Variants in HS6ST3 observed in about 807,000 individuals in gnomAD.
HS6ST3 encodes the protein heparan sulfate 6-O-sulfotransferase 3.
In HS6ST3, 12 loss-of-function variants were observed where a neutral mutation model predicts 36.7. That is an observed-to-expected ratio of 0.33 (90% CI 0.21 to 0.53). HS6ST3 has a LOEUF of 0.53. Among genes scored for constraint, HS6ST3 ranks in the 20% least tolerant of loss-of-function variants. The pLI, the probability that HS6ST3 is intolerant of heterozygous loss-of-function variation, is 0.95. For missense variants in HS6ST3, 584 were observed against 640.9 expected (o/e 0.91, Z 0.96); for synonymous variants, 240 against 257.5 (o/e 0.93, Z 0.65).
intron 1 of HS6ST3, among the ~76,000 whole-genome samples, chr13:96,690,960 C>T (rs571721215): frequency 1.3e-5 from 2 of 152,174 alleles, no homozygotes; most frequent in South Asian, 2.1e-4. Flanking sequence ...TAGCACAGTC[C>T]TTGGCACCCA....
chr13:96,428,333 G>A (rs974192733), intron 1 of HS6ST3, among the ~76,000 whole-genome samples: 8 of 152,180 alleles, frequency 5.3e-5, no homozygotes, highest in African/African-American at 1.9e-4. Flanking sequence ...GCGACAGAGC[G>A]AGACTCCGTC....
At chr13:96,275,370 C>T (rs982744698) in intron 1 of HS6ST3, among the ~76,000 whole-genome samples, 11 of 152,136 alleles carry the variant, frequency 7.2e-5, no homozygotes, top group Non-Finnish European at 5.9e-5. Context: ...ACTCTTTGAG[C>T]TTTGGGTGTT....
chr13:96,095,684 A>G (rs922837185), intron 1 of HS6ST3, among the ~76,000 whole-genome samples: 17 of 152,190 alleles, frequency 1.1e-4, no homozygotes, highest in Non-Finnish European at 1.8e-4. Context: ...CTTCATATCT[A>G]ATAGCTCCAC....
chr13:96,483,900 T>G (rs1481551588), intron 1 of HS6ST3, among the ~76,000 whole-genome samples: 2 of 152,196 alleles, frequency 1.3e-5, no homozygotes, highest in Non-Finnish European at 2.9e-5. Context: ...AGGTCTGTAT[T>G]CCATTTTGAG....
chr13:96,509,693 A>C (rs1267498879), intron 1 of HS6ST3, among the ~76,000 whole-genome samples: 1 of 152,084 alleles, frequency 6.6e-6, no homozygotes, highest in African/African-American at 2.4e-5. Flanking sequence ...ATTCTGTTTC[A>C]TTGGTGTATG....
At chr13:96,426,376 T>G (rs1177066731) in intron 1 of HS6ST3, among the ~76,000 whole-genome samples, 1 of 152,234 alleles carries the variant, frequency 6.6e-6, no homozygotes, top group Non-Finnish European at 1.5e-5. Flanking sequence ...TGTCTATAAG[T>G]GCTTGCATGG....
At chr13:96,330,439 T>C (rs1389863916) in intron 1 of HS6ST3, among the ~76,000 whole-genome samples, 1 of 147,190 alleles carries the variant, frequency 6.8e-6, no homozygotes, top group Non-Finnish European at 1.5e-5. Flanking sequence ...CCTTCACTTA[T>C]GAAGCTTAGT....
intron 1 of HS6ST3, among the ~76,000 whole-genome samples, chr13:96,500,633 C>T (rs1037257682): frequency 1.3e-5 from 2 of 152,074 alleles, no homozygotes; most frequent in Non-Finnish European, 2.9e-5. Flanking sequence ...AGCCATGGAC[C>T]TCCAGTGATA....
At chr13:96,142,317 C>T (rs2054035926) in intron 1 of HS6ST3, among the ~76,000 whole-genome samples, 1 of 152,116 alleles carries the variant, frequency 6.6e-6, no homozygotes, top group Admixed American at 6.5e-5. Context: ...TTTTTTCTCA[C>T]TTATTTTTAG....
At chr13:96,174,166 T>C (rs1179012521) in intron 1 of HS6ST3, among the ~76,000 whole-genome samples, 1 of 152,192 alleles carries the variant, frequency 6.6e-6, no homozygotes, top group African/African-American at 2.4e-5. Flanking sequence ...GAAAAAATTC[T>C]AAGCATACAG....
intron 1 of HS6ST3, among the ~76,000 whole-genome samples, chr13:96,612,024 T>C (rs900361051): frequency 6.6e-6 from 1 of 151,984 alleles, no homozygotes; most frequent in Non-Finnish European, 1.5e-5. Context: ...ACCTAAGAGA[T>C]TGTGGGGACT....
At chr13:96,343,347 G>C (rs965361083) in intron 1 of HS6ST3, among the ~76,000 whole-genome samples, 2 of 152,152 alleles carry the variant, frequency 1.3e-5, no homozygotes, top group African/African-American at 4.8e-5. Flanking sequence ...CCGCTTTCTT[G>C]CCTTACCCAG....
intron 1 of HS6ST3, among the ~76,000 whole-genome samples, chr13:96,350,463 C>A (rs1446251521): frequency 6.6e-6 from 1 of 152,188 alleles, no homozygotes; most frequent in Non-Finnish European, 1.5e-5. Context: ...GTCTGTAAAG[C>A]ATAGAAAAGG....
chr13:96,706,413 T>TATATATA (rs1555319827), intron 1 of HS6ST3, among the ~76,000 whole-genome samples: 1 of 121,058 alleles, frequency 8.3e-6, no homozygotes, highest in African/African-American at 3.5e-5. Context: ...AGAATATATT[T>TATATATA]TATATATATA....
chr13:96,388,443 A>C (rs1198493466), intron 1 of HS6ST3, among the ~76,000 whole-genome samples: 1 of 152,262 alleles, frequency 6.6e-6, no homozygotes, highest in East Asian at 1.9e-4. Flanking sequence ...GGAATAATTA[A>C]TTGAAATGAT....
At chr13:96,700,017 A>T (rs1410221552) in intron 1 of HS6ST3, among the ~76,000 whole-genome samples, 2 of 152,196 alleles carry the variant, frequency 1.3e-5, no homozygotes, top group African/African-American at 4.8e-5. Context: ...TGGTGACAAT[A>T]GCTTTCCTGA....
chr13:96,746,852 T>A (rs568877031), intron 1 of HS6ST3, among the ~76,000 whole-genome samples: 1 of 152,188 alleles, frequency 6.6e-6, no homozygotes, highest in East Asian at 1.9e-4. Flanking sequence ...TCTAACCTCA[T>A]TGATAAAAAG....
At chr13:96,573,139 C>T (rs1310022378) in intron 1 of HS6ST3, among the ~76,000 whole-genome samples, 3 of 152,186 alleles carry the variant, frequency 2.0e-5, no homozygotes, top group African/African-American at 4.8e-5. Context: ...TGCCTCACCT[C>T]TCCGGACCTA....
intron 1 of HS6ST3, among the ~76,000 whole-genome samples, chr13:96,652,584 G>A (rs1285463847): frequency 1.3e-5 from 2 of 152,058 alleles, no homozygotes; most frequent in African/African-American, 4.8e-5. Flanking sequence ...CTGAATTGTT[G>A]ATATACAGCC....
Sources: gnomAD v4.1 joint callset for allele counts (sites outside exome capture counted in the v4.1 genomes callset) on GRCh38, gnomAD v4.1.1 for gene constraint, MANE v1.5 for transcripts, NCBI Gene and HGNC (gene_info 2026-07-23, HGNC 2026-07-21) for gene names.